SNTG2: variants seen among roughly 807,000 people sequenced by gnomAD.
The protein encoded by SNTG2 is gamma-2-syntrophin.
SNTG2 carries 74 observed loss-of-function variants against 70.9 expected under a neutral mutation model. The observed-to-expected ratio is 1.04, with a 90% CI of 0.86 to 1.27. The LOEUF (loss-of-function observed/expected upper bound fraction) is 1.27. SNTG2 is among the 50% of genes most tolerant of loss of function. SNTG2 has a pLI of 0.00. For synonymous variants in SNTG2, 278 were observed against 273.8 expected (o/e 1.02, Z -0.15); for missense variants, 717 against 690.7 (o/e 1.04, Z -0.43).
intron 1 of SNTG2, among the ~76,000 whole-genome samples, chr2:1,010,546 A>G (rs1057373490): frequency 6.6e-5 from 10 of 152,222 alleles, no homozygotes; most frequent in Non-Finnish European, 7.3e-5. Flanking sequence ...AAGTTGGAAT[A>G]CGGCCAACAG....
chr2:1,220,287 G>A (rs762995887), intron 9 of SNTG2, among the ~76,000 whole-genome samples: 9 of 152,250 alleles, frequency 5.9e-5, no homozygotes, highest in African/African-American at 9.6e-5. Context: ...ACTGGGTGCC[G>A]TCAGAGCGTG....
intron 14 of SNTG2, among the ~76,000 whole-genome samples, chr2:1,271,692 A>G (rs1679027364): frequency 6.6e-6 from 1 of 152,136 alleles, no homozygotes; most frequent in Non-Finnish European, 1.5e-5. Flanking sequence ...TGGAAGCAAC[A>G]AGCATTCATG....
intron 9 of SNTG2, among the ~76,000 whole-genome samples, chr2:1,229,832 G>A (rs1040636830): frequency 5.3e-5 from 8 of 152,238 alleles, no homozygotes; most frequent in Admixed American, 6.5e-5. Flanking sequence ...CTCCGCAGCC[G>A]CTGGCCCGGG....
chr2:1,320,534 C>CA (rs35391780), intron 16 of SNTG2, among the ~76,000 whole-genome samples: 5,211 of 89,146 alleles, frequency 0.058, 329 homozygotes, highest in African/African-American at 0.17. Flanking sequence ...GACTCCTTCT[C>CA]AAAAAAAAAA....
intron 14 of SNTG2, among the ~76,000 whole-genome samples, chr2:1,277,392 C>T (rs560634698): frequency 6.6e-6 from 1 of 152,318 alleles, no homozygotes; most frequent in South Asian, 2.1e-4. Flanking sequence ...AAGGTCCTCC[C>T]TCTGCTAAAA....
At chr2:1,093,069 T>C (rs977228432) in intron 2 of SNTG2, among the ~76,000 whole-genome samples, 1 of 152,210 alleles carries the variant, frequency 6.6e-6, no homozygotes, top group East Asian at 1.9e-4. Context: ...TTTGTTCCTT[T>C]GGTGAGTCCC....
chr2:1,102,692 T>C (rs6709553), intron 4 of SNTG2: 150,680 of 152,430 alleles, frequency 0.99, 74,499 homozygotes, highest in East Asian at 1. Flanking sequence ...CTGTGAGAGG[T>C]TCAGAGGACG....
chr2:1,284,719 G>C (rs532944214), intron 14 of SNTG2, among the ~76,000 whole-genome samples: 1 of 151,990 alleles, frequency 6.6e-6, no homozygotes, highest in Non-Finnish European at 1.5e-5. Context: ...TAAAGCTGAC[G>C]TCAACTAAAT....
At chr2:1,049,188 C>T (rs890147882) in intron 1 of SNTG2, among the ~76,000 whole-genome samples, 6 of 152,126 alleles carry the variant, frequency 3.9e-5, no homozygotes, top group African/African-American at 1.4e-4. Flanking sequence ...GGAGTTCAAA[C>T]GAGGATACAC....
intron 4 of SNTG2, among the ~76,000 whole-genome samples, chr2:1,137,012 A>C (rs1328982734): frequency 6.6e-6 from 1 of 152,226 alleles, no homozygotes; most frequent in Non-Finnish European, 1.5e-5. Flanking sequence ...CCTGTAATGA[A>C]ACCCTTTGTT....
At chr2:1,323,751 C>G in intron 16 of SNTG2, among the ~76,000 whole-genome samples, 1 of 148,192 alleles carries the variant, frequency 6.7e-6, no homozygotes, top group Non-Finnish European at 1.5e-5. Flanking sequence ...TAGTGTGGGA[C>G]ATGGCTAACA....
intron 15 of SNTG2, among the ~76,000 whole-genome samples, chr2:1,315,053 C>G (rs1046505525): frequency 6.6e-6 from 1 of 152,184 alleles, no homozygotes; most frequent in Non-Finnish European, 1.5e-5. Flanking sequence ...GGAATATTCT[C>G]TTTCTAGATA....
chr2:1,070,361 C>T (rs747179877), intron 1 of SNTG2, among the ~76,000 whole-genome samples: 5 of 152,134 alleles, frequency 3.3e-5, no homozygotes, highest in Non-Finnish European at 1.5e-5. Flanking sequence ...AGCTGTGGAA[C>T]TTCTCGAAGC....
At chr2:1,215,532 A>G (rs958285395) in intron 9 of SNTG2, among the ~76,000 whole-genome samples, 8 of 148,352 alleles carry the variant, frequency 5.4e-5, no homozygotes, top group African/African-American at 2.0e-4. Flanking sequence ...AGCGTGTTTT[A>G]CACTAATTCT....
chr2:1,181,016 A>G (rs1179352130), intron 8 of SNTG2, among the ~76,000 whole-genome samples: 3 of 152,208 alleles, frequency 2.0e-5, no homozygotes, highest in Middle Eastern at 3.4e-3. Flanking sequence ...GAATTGAACA[A>G]TGAGAACACA....
chr2:982,601 G>A (rs1204322770), intron 1 of SNTG2, among the ~76,000 whole-genome samples: 1 of 152,216 alleles, frequency 6.6e-6, no homozygotes, highest in Non-Finnish European at 1.5e-5. Flanking sequence ...TTCAGATTGT[G>A]AGACTAATAC....
chr2:1,182,550 G>A (rs1227868164), intron 8 of SNTG2, among the ~76,000 whole-genome samples: 2 of 152,056 alleles, frequency 1.3e-5, no homozygotes, highest in Non-Finnish European at 2.9e-5. Context: ...AATAAATAAA[G>A]TATTGAGTCT....
intron 9 of SNTG2, among the ~76,000 whole-genome samples, chr2:1,226,623 G>T (rs993173441): frequency 2.0e-5 from 3 of 151,810 alleles, no homozygotes; most frequent in Non-Finnish European, 2.9e-5. Flanking sequence ...GCTTGTGAAG[G>T]ACACTCTTCG....
At chr2:1,050,164 G>A (rs1286916995) in intron 1 of SNTG2, among the ~76,000 whole-genome samples, 1 of 151,824 alleles carries the variant, frequency 6.6e-6, no homozygotes, top group Admixed American at 6.6e-5. Context: ...TTACTCTCTT[G>A]GTAATATTCA....
Sources: gnomAD v4.1 joint callset for allele counts (sites outside exome capture counted in the v4.1 genomes callset) on GRCh38, gnomAD v4.1.1 for gene constraint, MANE v1.5 for transcripts, NCBI Gene and HGNC (gene_info 2026-07-23, HGNC 2026-07-21) for gene names.